UST: variants seen among roughly 807,000 people sequenced by gnomAD.
The protein encoded by UST is uronyl 2-sulfotransferase.
UST carries 21 observed loss-of-function variants against 45.6 expected under a neutral mutation model. The observed-to-expected ratio is 0.46, with a 90% confidence interval of 0.33 to 0.66. The LOEUF (loss-of-function observed/expected upper bound fraction) is 0.66. Ranked by LOEUF, UST falls within the 30% of genes least tolerant of loss-of-function variation. The pLI, the probability that UST is intolerant of heterozygous loss-of-function variation, is 0.02. For missense variants in UST, 463 were observed against 512.4 expected (o/e 0.90, Z 0.93); for synonymous variants, 215 against 200.6 (o/e 1.07, Z -0.61).
At chr6:148,924,848 T>C (rs1005498883) in intron 2 of UST, among the ~76,000 whole-genome samples, 4 of 152,174 alleles carry the variant, frequency 2.6e-5, no homozygotes, top group African/African-American at 9.7e-5. Context: ...ATTCTCTTGG[T>C]TGGGGCTGGG....
chr6:148,961,332 A>C (rs1780652753), intron 4 of UST, among the ~76,000 whole-genome samples: 1 of 152,190 alleles, frequency 6.6e-6, no homozygotes, highest in Non-Finnish European at 1.5e-5. Flanking sequence ...TGAACAAAAA[A>C]CAAAATATGG....
chr6:148,966,236 T>C (rs1223244638), intron 5 of UST, among the ~76,000 whole-genome samples: 1 of 115,780 alleles, frequency 8.6e-6, no homozygotes, highest in Non-Finnish European at 1.7e-5. Context: ...AAAATAATAA[T>C]AATAATAATT....
chr6:148,917,742 A>G (rs1342725504), intron 2 of UST, among the ~76,000 whole-genome samples: 1 of 152,216 alleles, frequency 6.6e-6, no homozygotes. Flanking sequence ...GGCATCTCCC[A>G]CAGGGGATGT....
intron 1 of UST, among the ~76,000 whole-genome samples, chr6:148,823,683 C>T (rs1490474973): frequency 3.3e-5 from 5 of 152,186 alleles, no homozygotes; most frequent in Middle Eastern, 3.4e-3. Flanking sequence ...TTAAACTGTA[C>T]CTCATGTGTT....
intron 1 of UST, among the ~76,000 whole-genome samples, chr6:148,757,334 T>C (rs1776118528): frequency 6.6e-6 from 1 of 152,266 alleles, no homozygotes; most frequent in Non-Finnish European, 1.5e-5. Context: ...TTTTCTGAAA[T>C]CCTAGACCAG....
intron 1 of UST, among the ~76,000 whole-genome samples, chr6:148,834,889 A>G (rs113520056): frequency 5.3e-5 from 8 of 152,346 alleles, no homozygotes; most frequent in African/African-American, 1.9e-4. Context: ...TTGCTAATAG[A>G]AAACAGCCAT....
intron 1 of UST, among the ~76,000 whole-genome samples, chr6:148,875,406 A>G (rs552037201): frequency 2.0e-5 from 3 of 152,380 alleles, no homozygotes; most frequent in Admixed American, 1.3e-4. Context: ...AATAGAAAAT[A>G]TCAAATAATT....
chr6:148,751,507 C>T (rs1775991520), intron 1 of UST, among the ~76,000 whole-genome samples: 2 of 152,086 alleles, frequency 1.3e-5, no homozygotes, highest in Non-Finnish European at 2.9e-5. Flanking sequence ...TCTTCCTAGT[C>T]AATTTGGGGA....
At chr6:149,046,657 T>G (rs757610971) in intron 7 of UST, among the ~76,000 whole-genome samples, 1 of 152,254 alleles carries the variant, frequency 6.6e-6, no homozygotes, top group African/African-American at 2.4e-5. Flanking sequence ...CAAAGCTGTT[T>G]TGAGGATTAA....
intron 1 of UST, among the ~76,000 whole-genome samples, chr6:148,862,830 C>T (rs1778345821): frequency 6.6e-6 from 1 of 152,214 alleles, no homozygotes; most frequent in South Asian, 2.1e-4. Context: ...TTGGCCCCCA[C>T]TCTCTTCTGG....
chr6:148,789,386 C>T (rs1205982041), intron 1 of UST, among the ~76,000 whole-genome samples: 4 of 148,764 alleles, frequency 2.7e-5, no homozygotes, highest in African/African-American at 9.8e-5. Context: ...TCTATATGAA[C>T]CACACTTTTG....
In UST at chr6:149,074,254, G is replaced by T; in HGVS notation, c.*138G>T. ...AACATTCCCACATGTTGGGGTCATT[G>T]GGAGATGCCCGGTTTTGCGGGTTTT... On this transcript the variant is annotated 3_prime_UTR_variant, in exon 8 of 8. Coordinates refer to ENST00000367463, the MANE Select transcript of UST (RefSeq NM_005715.3). The T allele has an allele frequency of 1.1e-6, 1 of 943,490 alleles. No homozygotes were observed. The highest frequency in any genetic ancestry group is 1.6e-6 in the Non-Finnish European group (1 of 638,136). The allele number at this position is 943,490 out of a possible 1,614,324, so 58.4% of individuals were successfully genotyped here.
intron 1 of UST, among the ~76,000 whole-genome samples, chr6:148,782,174 G>A (rs1196685854): frequency 6.6e-6 from 1 of 151,540 alleles, no homozygotes; most frequent in Non-Finnish European, 1.5e-5. Context: ...TCCTCTGATG[G>A]ATCTGGGCAA....
chr6:149,003,432 T>TA (rs1426329689), intron 5 of UST, among the ~76,000 whole-genome samples: 2 of 137,122 alleles, frequency 1.5e-5, no homozygotes, highest in East Asian at 2.1e-4. Context: ...TCCAATTTGG[T>TA]AAAAAACAAA....
chr6:148,804,933 G>A (rs1777118481), intron 1 of UST, among the ~76,000 whole-genome samples: 1 of 151,560 alleles, frequency 6.6e-6, no homozygotes, highest in Non-Finnish European at 1.5e-5. Flanking sequence ...TATTTTTCCA[G>A]TATATAAACC....
chr6:148,869,744 A>G (rs1485860505), intron 1 of UST, among the ~76,000 whole-genome samples: 1 of 152,166 alleles, frequency 6.6e-6, no homozygotes, highest in Non-Finnish European at 1.5e-5. Flanking sequence ...TATTTGAAAC[A>G]TCCGGTAGAA....
At chr6:149,017,747 G>T (rs888123527) in intron 5 of UST, among the ~76,000 whole-genome samples, 1 of 150,888 alleles carries the variant, frequency 6.6e-6, no homozygotes, top group African/African-American at 2.4e-5. Context: ...TGTAAATTCT[G>T]CCATATTTTG....
At chr6:149,073,749 T>C in intron 7 of UST, 84 bp from the exon 8 acceptor site, 2 of 1,499,060 alleles carry the variant, frequency 1.3e-6, no homozygotes, top group Non-Finnish European at 1.8e-6. Flanking sequence ...CTACCAGAGT[T>C]GTACAGGTAA....
intron 1 of UST, among the ~76,000 whole-genome samples, chr6:148,774,341 A>T (rs557124763): frequency 1.3e-5 from 2 of 151,016 alleles, no homozygotes; most frequent in African/African-American, 4.8e-5. Context: ...AAATTTACTT[A>T]TAGACAAGGC....
Sources: gnomAD v4.1 joint callset for allele counts (sites outside exome capture counted in the v4.1 genomes callset) on GRCh38, gnomAD v4.1.1 for gene constraint, MANE v1.5 for transcripts, NCBI Gene and HGNC (gene_info 2026-07-23, HGNC 2026-07-21) for gene names.